ZNF33A: variants seen among roughly 807,000 people sequenced by gnomAD.
ZNF33A encodes brain my041 protein.
In ZNF33A, 9 loss-of-function variants were observed where a neutral mutation model predicts 15.9. That is an observed-to-expected ratio of 0.57 (90% CI 0.34 to 0.99). The LOEUF (loss-of-function observed/expected upper bound fraction) is 0.99. Ranked by LOEUF, ZNF33A falls within the 50% of genes least tolerant of loss-of-function variation. The probability of loss-of-function intolerance (pLI) is 0.02; values close to 1 mark genes in which losing one functional copy is unlikely to be tolerated. For missense variants in ZNF33A, 843 were observed against 941.6 expected (o/e 0.90, Z 1.37); for synonymous variants, 294 against 324.2 (o/e 0.91, Z 1.00).
chr10:38,046,599 A>T (rs1414439540), intron 4 of ZNF33A, among the ~76,000 whole-genome samples: 1 of 152,150 alleles, frequency 6.6e-6, no homozygotes, highest in Non-Finnish European at 1.5e-5. Flanking sequence ...ACCAAGTAAA[A>T]CTCTCAGTCT....
chr10:38,066,204 C>T (rs2066708377), downstream of ZNF33A, among the ~76,000 whole-genome samples: 1 of 152,140 alleles, frequency 6.6e-6, no homozygotes, highest in Non-Finnish European at 1.5e-5. Flanking sequence ...AGTCTGGATA[C>T]ACTTCTCCTG....
chr10:38,039,415 A>G (rs1273924719), intron 4 of ZNF33A: 1 of 436,032 alleles, frequency 2.3e-6, no homozygotes, highest in Non-Finnish European at 4.6e-6. Flanking sequence ...TTTTGTAGAG[A>G]TGGGGTTTCA....
In ZNF33A at chr10:38,012,279, T is replaced by C. The variant is rs1430749810; in HGVS notation, c.-44-19T>C. ...CAGGCCAAATCTTTCATGACCCCAT[T>C]CCTCTTTTTCTAACTCAGCTGTATC... is the stretch of plus-strand genomic sequence containing the variant. On this transcript the variant is annotated intron_variant, in intron 1 of 4. Transcript: ENST00000432900. 4.4e-6 allele frequency: 7 copies of C among 1,608,056 alleles called. No individual in the cohort carries two copies. The East Asian group carries it at 1.6e-4, about 36-fold the overall frequency.
intron 1 of ZNF33A, among the ~76,000 whole-genome samples, chr10:38,011,898 T>TA (rs1243744182): frequency 7.9e-5 from 12 of 152,352 alleles, no homozygotes; most frequent in African/African-American, 2.9e-4. Context: ...GGAAAATAGA[T>TA]AGCTTAGTCC....
chr10:38,010,514 AC>A, upstream of ZNF33A: 1 of 651,714 alleles, frequency 1.5e-6, no homozygotes, highest in South Asian at 1.7e-5. Flanking sequence ...TCCAGCACCA[AC>A]TCAGACCGCA....
downstream of ZNF33A, among the ~76,000 whole-genome samples, chr10:38,060,245 T>G (rs1439742187): frequency 6.6e-6 from 1 of 152,188 alleles, no homozygotes; most frequent in African/African-American, 2.4e-5. Flanking sequence ...CTGAAGCCAA[T>G]AGGGCCTCAA....
chr10:38,018,838 G>A lies in ZNF33A; in HGVS notation c.250+1452G>A, dbSNP rs145257225. ...ATGGCTGGACCTTCTCAAATTTAGC[G>A]AAAAGATATAAAACTACACATTCCC... On this transcript the variant is annotated intron_variant, in intron 4 of 4. Coordinates refer to ENST00000432900, the MANE Select transcript of ZNF33A (RefSeq NM_006954.2). 9.1e-3 allele frequency among the ~76,000 whole-genome samples: 1,376 copies of A among 152,024 alleles called. 22 individuals carry two copies. Among genetic ancestry groups the A allele is most frequent in the African/African-American group, 0.031 (1,306 of 41,468 alleles).
chr10:38,066,164 C>T (rs1235455619), downstream of ZNF33A, among the ~76,000 whole-genome samples: 2 of 152,218 alleles, frequency 1.3e-5, no homozygotes, highest in Non-Finnish European at 2.9e-5. Flanking sequence ...GGCTTTTCTT[C>T]GACACAGTCC....
rs192766286 is a variant in ZNF33A, at chr10:38,011,790, A to T, written c.-44-508A>T. On this transcript the variant is annotated intron_variant, in intron 1 of 4. Transcript: ENST00000432900. The stretch of plus-strand genomic sequence containing the variant: ...AAATATCCCTTTGAGAAATAGCAAC[A>T]AAGTTAGATGAAGAAATTAAAACTG... Among the ~76,000 whole-genome samples the T allele has an allele frequency of 4.6e-3, 695 of 152,336 alleles. 7 individuals are homozygous for T. The highest frequency in any genetic ancestry group is 0.016 in the African/African-American group (667 of 41,572).
intron 4 of ZNF33A, among the ~76,000 whole-genome samples, chr10:38,036,051 C>G (rs2065439081): frequency 6.6e-6 from 1 of 152,082 alleles, no homozygotes; most frequent in African/African-American, 2.4e-5. Flanking sequence ...CACTAATATC[C>G]CTCATAAATA....
In ZNF33A at chr10:38,056,249, A is replaced by C; in HGVS notation, c.2125A>C (p.Thr709Pro). ...ATTCTTCAGGCACAAATCATCACTC[A>C]CAGTACATCACAGGGCTCACACAGG... is the stretch of plus-strand genomic sequence containing the variant. Reference protein sequence around the residue: ...GKFFRHKSSLTVHHRAHTGEK... With the variant: ...GKFFRHKSSLPVHHRAHTGEK... The change falls in exon 5 of 5, where the codon ACA becomes CCA. Residue 709 changes from threonine to proline, a missense_variant. Transcript: ENST00000432900. The C allele has an allele frequency of 6.2e-7, 1 of 1,614,150 alleles. No homozygotes were observed. Among genetic ancestry groups the C allele is most frequent in the South Asian group, 1.1e-5 (1 of 91,088 alleles).
intron 4 of ZNF33A, among the ~76,000 whole-genome samples, chr10:38,052,880 G>T (rs533564797): frequency 4.6e-5 from 7 of 151,836 alleles, no homozygotes; most frequent in Admixed American, 2.6e-4. Context: ...TGTGGATCAG[G>T]TCTTTTATTT....
downstream of ZNF33A, among the ~76,000 whole-genome samples, chr10:38,061,459 AC>A (rs999779350): frequency 6.6e-6 from 1 of 151,900 alleles, no homozygotes; most frequent in Non-Finnish European, 1.5e-5. Context: ...CCAATGCAAA[AC>A]CCCTTGCCAG....
intron 4 of ZNF33A, among the ~76,000 whole-genome samples, chr10:38,053,484 G>A (rs2066306205): frequency 6.6e-6 from 1 of 152,054 alleles, no homozygotes; most frequent in Non-Finnish European, 1.5e-5. Flanking sequence ...TTTAACCTTA[G>A]TTAATCTCCT....
chr10:38,062,459 G>A (rs576231462), downstream of ZNF33A, among the ~76,000 whole-genome samples: 11 of 152,254 alleles, frequency 7.2e-5, no homozygotes, highest in Admixed American at 6.5e-4. Flanking sequence ...AACACCTAAC[G>A]GCATGGTCCC....
At position 38,056,596 on chromosome 10, in the gene ZNF33A, ATAG is replaced by A. The variant is rs1318912250; in HGVS notation, c.*40_*42del. 2.6e-6 allele frequency: 4 copies of A among 1,526,876 alleles called. No homozygotes were observed. Among genetic ancestry groups the A allele is most frequent in the South Asian group, 2.7e-5 (2 of 74,682 alleles). The allele number at this position is 1,526,876 out of a possible 1,614,324, so 94.6% of individuals were successfully genotyped here. The stretch of plus-strand genomic sequence containing the variant: ...ACTCACCTTATGTTACTCCAAAGTA[ATAG>A]TAGGGGATAAACCCATAGACTACAA... On this transcript the variant is annotated 3_prime_UTR_variant, in exon 5 of 5. Coordinates refer to ENST00000432900, the MANE Select transcript of ZNF33A (RefSeq NM_006954.2).
intron 2 of ZNF33A, 48 bp from the exon 3 acceptor site, chr10:38,016,823 A>G (rs1267273321): frequency 6.3e-7 from 1 of 1,596,046 alleles, no homozygotes; most frequent in South Asian, 1.1e-5. Context: ...CATGGTAAGG[A>G]TTAGCCCATA....
At position 38,054,405 on chromosome 10, in the gene ZNF33A, G is replaced by A. The variant is rs766729119; in HGVS notation, c.281G>A (p.Arg94Lys). 2 of 1,584,950 alleles carry A rather than the reference G, an allele frequency of 1.3e-6. No homozygotes were observed. The highest frequency in any genetic ancestry group is 1.7e-6 in the Non-Finnish European group (2 of 1,168,596). ...EVWTADHLKE[R>K]SQENQSKHLW... ...TGGACAGCTGATCACCTGAAAGAGA[G>A]GAGCCAAGAAAACCAATCTAAACAT... Residue 94 changes from arginine to lysine, a missense_variant, in exon 5 of 5, where the codon AGG (arginine) becomes AAG (lysine). Arg to Lys is a conservative substitution (Grantham distance 26). Coordinates refer to ENST00000432900, the MANE Select transcript of ZNF33A (RefSeq NM_006954.2).
chr10:38,016,789 A>T (rs934961894), intron 2 of ZNF33A, 82 bp from the exon 3 acceptor site: 2 of 1,495,424 alleles, frequency 1.3e-6, no homozygotes, highest in Non-Finnish European at 1.8e-6. Flanking sequence ...GTATAAAACA[A>T]AACAATATTC....
Sources: allele counts gnomAD v4.1 joint callset (sites outside exome capture counted in the v4.1 genomes callset), GRCh38; gene constraint gnomAD v4.1.1; transcripts MANE v1.5; gene names NCBI Gene and HGNC (gene_info 2026-07-23, HGNC 2026-07-21).